The following LHFPL6 variants were observed in gnomAD, a reference collection of about 807,000 sequenced individuals.
LHFPL6 encodes LHFPL tetraspan subfamily member 6.
A neutral mutation model predicts 20.6 loss-of-function variants in LHFPL6; 9 were observed. The observed-to-expected ratio is 0.44, with a 90% confidence interval of 0.26 to 0.76. LHFPL6 has a LOEUF of 0.76. Among genes scored for constraint, LHFPL6 ranks in the 30% least tolerant of loss-of-function variants. The pLI, the probability that LHFPL6 is intolerant of heterozygous loss-of-function variation, is 0.20. For missense variants in LHFPL6, 218 were observed against 253.5 expected (o/e 0.86, Z 0.95); for synonymous variants, 105 against 98.7 (o/e 1.06, Z -0.38).
chr13:39,428,493 T>A (rs1871702290), intron 2 of LHFPL6, among the ~76,000 whole-genome samples: 1 of 152,232 alleles, frequency 6.6e-6, no homozygotes, highest in African/African-American at 2.4e-5. Context: ...ATGCAGTGAT[T>A]TATAATCTTC....
At chr13:39,489,475 A>G (rs1868838671) in intron 2 of LHFPL6, among the ~76,000 whole-genome samples, 1 of 152,078 alleles carries the variant, frequency 6.6e-6, no homozygotes, top group African/African-American at 2.4e-5. Flanking sequence ...TATATAGAAA[A>G]TAATATGATT....
chr13:39,423,666 T>A (rs370034095), intron 2 of LHFPL6, among the ~76,000 whole-genome samples: 1 of 152,112 alleles, frequency 6.6e-6, no homozygotes, highest in South Asian at 2.1e-4. Context: ...GGAAAAGTGA[T>A]CCCAGGCATA....
chr13:39,493,988 G>C (rs1869016967), intron 2 of LHFPL6, among the ~76,000 whole-genome samples: 1 of 152,196 alleles, frequency 6.6e-6, no homozygotes, highest in Non-Finnish European at 1.5e-5. Flanking sequence ...AGGTGACCTA[G>C]CTTTAAACCT....
intron 2 of LHFPL6, among the ~76,000 whole-genome samples, chr13:39,446,496 C>T (rs1375794719): frequency 1.3e-5 from 2 of 152,064 alleles, no homozygotes; most frequent in East Asian, 3.9e-4. Flanking sequence ...TAAGCAGAGG[C>T]CCTAGGACAT....
chr13:39,420,530 C>A (rs1354262797), intron 2 of LHFPL6, among the ~76,000 whole-genome samples: 1 of 152,014 alleles, frequency 6.6e-6, no homozygotes, highest in Non-Finnish European at 1.5e-5. Context: ...TGAGTATAAC[C>A]CAAGACTCCC....
At chr13:39,393,252 T>C (rs1436195850) in intron 2 of LHFPL6, among the ~76,000 whole-genome samples, 3 of 152,344 alleles carry the variant, frequency 2.0e-5, no homozygotes, top group African/African-American at 2.4e-5. Context: ...ACTGAGCTGG[T>C]GGGCTTTGAC....
intron 2 of LHFPL6, among the ~76,000 whole-genome samples, chr13:39,480,721 T>C (rs1868482046): frequency 6.6e-6 from 1 of 152,316 alleles, no homozygotes; most frequent in African/African-American, 2.4e-5. Flanking sequence ...ATCAGGCAAC[T>C]ATGACATTAT....
chr13:39,476,046 A>G (rs573227135), intron 2 of LHFPL6, among the ~76,000 whole-genome samples: 1 of 152,330 alleles, frequency 6.6e-6, no homozygotes, highest in South Asian at 2.1e-4. Context: ...ATTTCAGGTG[A>G]ACTAAAAGAA....
chr13:39,364,656 C>CT (rs917161281), intron 3 of LHFPL6, among the ~76,000 whole-genome samples: 10 of 151,290 alleles, frequency 6.6e-5, no homozygotes, highest in Middle Eastern at 3.4e-3. Flanking sequence ...CTTTTCTTTT[C>CT]TTTTTTTTTA....
chr13:39,532,444 C>T (rs1389078020), intron 2 of LHFPL6, among the ~76,000 whole-genome samples: 1 of 152,070 alleles, frequency 6.6e-6, no homozygotes, highest in African/African-American at 2.4e-5. Flanking sequence ...CCAAATAATT[C>T]AAAGCAGATA....
chr13:39,529,708 G>A (rs1003213075), intron 2 of LHFPL6, among the ~76,000 whole-genome samples: 1 of 152,150 alleles, frequency 6.6e-6, no homozygotes, highest in African/African-American at 2.4e-5. Context: ...TAATTAACTT[G>A]CCCACTAGTA....
intron 2 of LHFPL6, among the ~76,000 whole-genome samples, chr13:39,438,759 G>A (rs781225590): frequency 5.3e-5 from 8 of 152,240 alleles, no homozygotes; most frequent in Non-Finnish European, 1.0e-4. Context: ...AGTTTTTGAG[G>A]GTGAAAGCCT....
At chr13:39,575,325 C>T (rs1026611524) in intron 2 of LHFPL6, among the ~76,000 whole-genome samples, 1 of 152,160 alleles carries the variant, frequency 6.6e-6, no homozygotes, top group Admixed American at 6.5e-5. Context: ...TGTACCCTTA[C>T]TTGTATTTCA....
rs1872064812 is a variant in LHFPL6, at chr13:39,574,959, T to C, written c.385+25873A>G. ...GGTGGTGCACGCCGGTAATCCCAGCTACTCAGGTGGCTGAGGCATGAGAAT... is the reference window on the plus strand; with the variant it reads ...GGTGGTGCACGCCGGTAATCCCAGCCACTCAGGTGGCTGAGGCATGAGAAT... On this transcript the variant is annotated intron_variant, in intron 2 of 3. Coordinates refer to ENST00000379589, the MANE Select transcript of LHFPL6 (RefSeq NM_005780.3). Among the ~76,000 whole-genome samples, 3 of 152,084 alleles carry C rather than the reference T, an allele frequency of 2.0e-5. No individual in the cohort carries two copies. In the East Asian group the frequency reaches 5.8e-4, roughly 29 times the overall value.
At chr13:39,512,670 G>C (rs1281373758) in intron 2 of LHFPL6, among the ~76,000 whole-genome samples, 1 of 151,766 alleles carries the variant, frequency 6.6e-6, no homozygotes, top group Non-Finnish European at 1.5e-5. Context: ...AGAATGATTA[G>C]CCAGTTCTGT....
intron 2 of LHFPL6, among the ~76,000 whole-genome samples, chr13:39,541,093 T>C (rs1189316458): frequency 1.3e-5 from 2 of 152,184 alleles, no homozygotes; most frequent in Non-Finnish European, 1.5e-5. Flanking sequence ...ATGTAGCCAG[T>C]GTTTTGTTAA....
chr13:39,480,980 T>G (rs1278250620), intron 2 of LHFPL6, among the ~76,000 whole-genome samples: 1 of 152,222 alleles, frequency 6.6e-6, no homozygotes, highest in African/African-American at 2.4e-5. Context: ...TTCATTAGCA[T>G]GCAAACTTAA....
chr13:39,472,092 C>T (rs2138437458), intron 2 of LHFPL6, among the ~76,000 whole-genome samples: 1 of 152,250 alleles, frequency 6.6e-6, no homozygotes, highest in South Asian at 2.1e-4. Context: ...AGATTTTCAC[C>T]TCCTCTAGCG....
At chr13:39,472,800 G>A (rs1304499860) in intron 2 of LHFPL6, among the ~76,000 whole-genome samples, 2 of 152,046 alleles carry the variant, frequency 1.3e-5, no homozygotes, top group East Asian at 1.9e-4. Flanking sequence ...TTAGAGATAT[G>A]GGGTTTCACC....
Sources: gnomAD v4.1 joint callset for allele counts (sites outside exome capture counted in the v4.1 genomes callset) on GRCh38, gnomAD v4.1.1 for gene constraint, MANE v1.5 for transcripts, NCBI Gene and HGNC (gene_info 2026-07-23, HGNC 2026-07-21) for gene names.